HTATSF1: variants seen among roughly 807,000 people sequenced by gnomAD.
The protein encoded by HTATSF1 is HIV-1 Tat specific factor 1.
In HTATSF1, 6 loss-of-function variants were observed where a neutral mutation model predicts 46.1. That is an observed-to-expected ratio of 0.13 (90% CI 0.07 to 0.26). The LOEUF is 0.26. Ranked by LOEUF, HTATSF1 falls within the 10% of genes least tolerant of loss-of-function variation. The pLI is 1.00. For synonymous variants in HTATSF1, 226 were observed against 211.5 expected (o/e 1.07, Z -0.60); for missense variants, 452 against 559.9 (o/e 0.81, Z 1.94).
At chrX:136,507,056 A>G (rs1485767145) in intron 6 of HTATSF1, among the ~76,000 whole-genome samples, 2 of 112,217 alleles carry the variant, frequency 1.8e-5, no homozygotes, top group Non-Finnish European at 3.8e-5. Context: ...TTTTGATAGA[A>G]GTGTCCAACA....
Position 136,510,850 on chromosome X carries a change from T to C in HTATSF1, c.1105T>C (p.Trp369Arg). The C allele has an allele frequency of 8.3e-7, 1 of 1,207,383 alleles. No individual in the cohort carries two copies. ...AGAAAGGGAGGAAAGGCTGAGAGGA[T>C]GGGAGGCTTTCCTCAATGCTCCTGA... Reference protein sequence around the residue: ...SREREERLRGWEAFLNAPEAN... With the variant: ...SREREERLRGREAFLNAPEAN... Residue 369 changes from tryptophan to arginine, a missense_variant, in exon 9 of 9, where the codon TGG becomes CGG. Trp to Arg is a moderately radical substitution (Grantham distance 101). This residue lies in a region of HTATSF1 where 117 missense variants were observed against 222.2 expected (regional missense o/e 0.53). Transcript: ENST00000218364.
At chrX:136,502,419 C>T (rs2075722334) in intron 4 of HTATSF1, among the ~76,000 whole-genome samples, 1 of 111,700 alleles carries the variant, frequency 9.0e-6, no homozygotes, top group Admixed American at 9.5e-5. Flanking sequence ...ATTTATTGAA[C>T]ACCTACCATA....
At position 136,507,570 on chromosome X, in the gene HTATSF1, A is replaced by AAAAAG. The variant is rs375061270; in HGVS notation, c.835-1518_835-1517insAGAAA. 1.6e-3 allele frequency among the ~76,000 whole-genome samples: 178 copies of AAAAAG among 109,040 alleles called. 1 individual carries two copies. Among genetic ancestry groups the AAAAAG allele is most frequent in the African/African-American group, 5.6e-3 (163 of 29,276 alleles). The allele number at this position is 109,040 out of a possible 115,157, so 94.7% of individuals were successfully genotyped here. ...AGTAAGACTCTGTCTTCAAAAAAAA[A>AAAAAG]AAAGAAAGAAAGCAAAGCACTGAGA... On this transcript the variant is annotated intron_variant, in intron 6 of 8. Transcript: ENST00000218364.
At chrX:136,499,875 G>A (rs1418358115) in intron 2 of HTATSF1, 97 bp downstream of exon 2, 1 of 661,920 alleles carries the variant, frequency 1.5e-6, no homozygotes, top group Non-Finnish European at 2.2e-6. Flanking sequence ...TAGCTTTGAA[G>A]GAATAAGGTG....
At chrX:136,499,904 G>A in intron 2 of HTATSF1, 126 bp downstream of exon 2, 1 of 533,008 alleles carries the variant, frequency 1.9e-6, no homozygotes, top group Non-Finnish European at 2.9e-6. Context: ...CTTTAAGGTA[G>A]TGTCAGTTAT....
chrX:136,502,804 A>G lies in HTATSF1; in HGVS notation c.597A>G (p.Lys199=), dbSNP rs1245656316. 2.6e-6 allele frequency: 3 copies of G among 1,160,409 alleles called. No individual in the cohort carries two copies. The East Asian group carries it at 9.3e-5, about 36-fold the overall frequency. ...LKRESVELAL[K]LLDEDEIRGY... is the part of the protein sequence containing the mutation. ...GAGAATCTGTGGAACTTGCATTAAA[A>G]CTTTTGGATGAAGATGAAATTAGAG... Residue 199 remains lysine (K), a synonymous_variant, in exon 5 of 9, where the codon AAA becomes AAG. Coordinates refer to ENST00000218364, the MANE Select transcript of HTATSF1 (RefSeq NM_014500.5).
rs1318700846 is a variant in HTATSF1 at position 136,511,116 on chromosome X, G to A, written c.1371G>A (p.Glu457=). ...CTAAGGAAAGTAGCCCCGAAAAAGAGGCTGAAGAAGGCTGCCCTGAAAAAG... is the reference window on the plus strand; with the variant it reads ...CTAAGGAAAGTAGCCCCGAAAAAGAAGCTGAAGAAGGCTGCCCTGAAAAAG... ...NNAKESSPEK[E]AEEGCPEKES... The change falls in exon 9 of 9, where the codon GAG becomes GAA. Residue 457 remains glutamate, a synonymous_variant. Coordinates refer to ENST00000218364, the MANE Select transcript of HTATSF1 (RefSeq NM_014500.5). The A allele has an allele frequency of 7.4e-6, 9 of 1,208,806 alleles. No homozygotes were observed. The East Asian group carries it at 8.9e-5, about 12-fold the overall frequency.
chrX:136,501,975 A>T (rs753645428), intron 4 of HTATSF1, among the ~76,000 whole-genome samples: 1 of 111,906 alleles, frequency 8.9e-6, no homozygotes, highest in Non-Finnish European at 1.9e-5. Flanking sequence ...ATAGAAGTAC[A>T]AGATTGTCAA....
At chrX:136,510,023 T>C in intron 7 of HTATSF1, 59 bp from the exon 8 acceptor site, 2 of 1,052,885 alleles carry the variant, frequency 1.9e-6, no homozygotes, top group Non-Finnish European at 2.6e-6. Flanking sequence ...TTGTGAAATG[T>C]ATGTGTTTTA....
At chrX:136,504,021 C>T (rs1327354140) in intron 5 of HTATSF1, among the ~76,000 whole-genome samples, 1 of 110,960 alleles carries the variant, frequency 9.0e-6, no homozygotes, top group Admixed American at 9.6e-5. Context: ...CAGACGTGCA[C>T]CACCACGCCT....
At chrX:136,501,944 A>G (rs2075720253) in intron 4 of HTATSF1, among the ~76,000 whole-genome samples, 2 of 111,911 alleles carry the variant, frequency 1.8e-5, no homozygotes, top group Non-Finnish European at 3.8e-5. Flanking sequence ...TTTAAAGGAA[A>G]AAAATTGAGT....
At chrX:136,506,587 G>A (rs3027845) in intron 6 of HTATSF1, among the ~76,000 whole-genome samples, 12,447 of 112,359 alleles carry the variant, frequency 0.11, 1,548 homozygotes, top group African/African-American at 0.36. Flanking sequence ...CATTCAGCCA[G>A]TGGATAAAAC....
intron 7 of HTATSF1, 55 bp from the exon 8 acceptor site, chrX:136,510,027 T>G: frequency 9.4e-7 from 1 of 1,064,356 alleles, no homozygotes; most frequent in Non-Finnish European, 1.3e-6. Context: ...GAAATGTATG[T>G]GTTTTATTTT....
intron 6 of HTATSF1, 149 bp from the exon 7 acceptor site, chrX:136,508,942 T>C: frequency 2.2e-6 from 1 of 455,196 alleles, no homozygotes; most frequent in Non-Finnish European, 3.8e-6. Context: ...TATTTGATTT[T>C]GAGTTTTTAA....
chrX:136,497,270 G>C (rs1420773377), upstream of HTATSF1: 2 of 113,027 alleles, frequency 1.8e-5, no homozygotes, highest in African/African-American at 6.4e-5. Flanking sequence ...CGGCTGCGTC[G>C]GCCTGAGCAG....
At chrX:136,500,077 G>C (rs2075711093) in intron 2 of HTATSF1, 81 bp from the exon 3 acceptor site, 1 of 675,043 alleles carries the variant, frequency 1.5e-6, no homozygotes. Flanking sequence ...TCAAGAAACT[G>C]CTGCTTTGTC....
rs761679188 is a variant in HTATSF1, at chrX:136,511,131, C to T, written c.1386C>T (p.Cys462=). Residue 462 remains cysteine, a synonymous_variant, in exon 9 of 9, where the codon TGC becomes TGT. Transcript: ENST00000218364. ...CCGAAAAAGAGGCTGAAGAAGGCTG[C>T]CCTGAAAAAGAATCTGAAGAGGGCT... The part of the protein sequence containing the change: ...SSPEKEAEEG[C]PEKESEEGCP... 1 of 1,207,437 alleles carries T rather than the reference C, an allele frequency of 8.3e-7. No individual in the cohort carries two copies. The highest frequency in any genetic ancestry group is 1.8e-5 in the African/African-American group (1 of 56,741).
At chrX:136,506,510 T>G (rs1399725577) in intron 6 of HTATSF1, among the ~76,000 whole-genome samples, 1 of 112,183 alleles carries the variant, frequency 8.9e-6, no homozygotes, top group Admixed American at 9.4e-5. Flanking sequence ...GCCCTTAATA[T>G]TTATGTGATG....
Position 136,512,133 on chromosome X carries a change from T to C in HTATSF1, c.*120T>C. ...GGTAGGATGCCATCAGATTAAAGCA[T>C]TGAAGTGTTTCATTGTTACCTGTAC... On this transcript the variant is annotated 3_prime_UTR_variant, in exon 9 of 9. Coordinates refer to ENST00000218364, the MANE Select transcript of HTATSF1 (RefSeq NM_014500.5). 1.3e-6 allele frequency: 1 copy of C among 758,465 alleles called. No homozygotes were observed. Among genetic ancestry groups the C allele is most frequent in the Non-Finnish European group, 1.9e-6 (1 of 531,683 alleles). 62.5% of individuals were successfully genotyped at this position (758,465 alleles called of 1,213,427 possible).
Sources: allele counts gnomAD v4.1 joint callset (sites outside exome capture counted in the v4.1 genomes callset), GRCh38; gene constraint gnomAD v4.1.1; regional missense constraint gnomAD v4.1.1; transcripts MANE v1.5; gene names NCBI Gene and HGNC (gene_info 2026-07-23, HGNC 2026-07-21).